SEMA6A: variants seen among roughly 807,000 people sequenced by gnomAD.
SEMA6A encodes semaphorin-6A.
A neutral mutation model predicts 96.8 loss-of-function variants in SEMA6A; 25 were observed. That is an observed-to-expected ratio of 0.26 (90% CI 0.19 to 0.36). SEMA6A has a LOEUF of 0.36. Among genes scored for constraint, SEMA6A ranks in the 10% least tolerant of loss-of-function variants. SEMA6A has a pLI of 1.00. For synonymous variants in SEMA6A, 612 were observed against 518.0 expected, an observed-to-expected ratio of 1.18 and a Z score of -2.46; for missense variants, 1,363 against 1,323.1, an observed-to-expected ratio of 1.03 and a Z score of -0.47.
Position 116,536,866 on chromosome 5 carries a change from TAAAAAAAAAAA to T in SEMA6A, c.-38-31895_-38-31885del, listed in dbSNP as rs72214884. Among the ~76,000 whole-genome samples the T allele has an allele frequency of 3.0e-3, 211 of 69,522 alleles. 1 individual carries two copies. Among genetic ancestry groups the T allele is most frequent in the African/African-American group, 8.8e-3 (185 of 21,024 alleles). 45.6% of individuals were successfully genotyped at this position (69,522 alleles called of 152,430 possible). A position where few individuals can be genotyped will look rare whatever the true frequency, so the allele number is the denominator to read the frequency against. On this transcript the variant is annotated intron_variant, in intron 1 of 18. Coordinates refer to ENST00000343348, the MANE Select transcript of SEMA6A (RefSeq NM_020796.5). ...TTTATTCAGTCCCCGTGTGATTTCT[TAAAAAAAAAAA>T]AAAAAAAAAAAAAAAAAGCAAAACT...
At chr5:116,479,860 C>T (rs531050657) in intron 12 of SEMA6A, among the ~76,000 whole-genome samples, 19 of 152,300 alleles carry the variant, frequency 1.2e-4, no homozygotes, top group African/African-American at 4.6e-4. Context: ...GATCAATGGG[C>T]TAATCCAGAA....
At chr5:116,474,871 CAGG>C (rs1296341239) in intron 16 of SEMA6A, among the ~76,000 whole-genome samples, 2 of 151,682 alleles carry the variant, frequency 1.3e-5, no homozygotes, top group Admixed American at 6.6e-5. Context: ...AAAGCATTTT[CAGG>C]AGAATATTGA....
intron 10 of SEMA6A, among the ~76,000 whole-genome samples, chr5:116,485,146 G>C (rs1044219092): frequency 2.4e-4 from 36 of 152,152 alleles, no homozygotes; most frequent in African/African-American, 7.5e-4. Flanking sequence ...TGATTTCTGA[G>C]ACTGCATAAT....
intron 1 of SEMA6A, among the ~76,000 whole-genome samples, chr5:116,555,231 A>G (rs1760563413): frequency 6.6e-6 from 1 of 151,974 alleles, no homozygotes; most frequent in African/African-American, 2.4e-5. Flanking sequence ...GCCAAAATTA[A>G]CTCTTGTTTG....
At chr5:116,529,169 A>G (rs527665288) in intron 1 of SEMA6A, among the ~76,000 whole-genome samples, 2,313 of 152,296 alleles carry the variant, frequency 0.015, 62 homozygotes, top group African/African-American at 0.048. Flanking sequence ...CAAATATTTT[A>G]TATTCCAACC....
chr5:116,564,635 C>A (rs1440353204), intron 1 of SEMA6A, among the ~76,000 whole-genome samples: 1 of 152,156 alleles, frequency 6.6e-6, no homozygotes, highest in African/African-American at 2.4e-5. Flanking sequence ...CTCCCCAAAT[C>A]CTTTCTTGAC....
chr5:116,508,781 C>G (rs573486659), intron 1 of SEMA6A, among the ~76,000 whole-genome samples: 1 of 152,172 alleles, frequency 6.6e-6, no homozygotes, highest in African/African-American at 2.4e-5. Context: ...TCTCTCCAGA[C>G]GGAAACATTC....
chr5:116,536,705 A>T (rs1424032813), intron 1 of SEMA6A, among the ~76,000 whole-genome samples: 1 of 152,148 alleles, frequency 6.6e-6, no homozygotes, highest in Non-Finnish European at 1.5e-5. Context: ...CACTGGCACC[A>T]GTCCCAGGTC....
chr5:116,571,465 A>T (rs1761208773), intron 1 of SEMA6A, among the ~76,000 whole-genome samples: 1 of 152,222 alleles, frequency 6.6e-6, no homozygotes, highest in Admixed American at 6.5e-5. Context: ...TCTTTACATC[A>T]AGTTGAAAAA....
In SEMA6A at chr5:116,488,871, TTTAA is replaced by T; in HGVS notation, c.655+13_655+16del. The T allele has an allele frequency of 6.4e-7, 1 of 1,550,890 alleles. No homozygotes were observed. ...TCCCCTCCCCTCCGACCCTCCTTCT[TTTAA>T]TTGTTTGTTCACCTTTCAACCATTT... On this transcript the variant is annotated intron_variant, in intron 8 of 18. Transcript: ENST00000343348.
chr5:116,519,137 A>G (rs1758808893), intron 1 of SEMA6A, among the ~76,000 whole-genome samples: 4 of 152,338 alleles, frequency 2.6e-5, no homozygotes, highest in South Asian at 4.1e-4. Flanking sequence ...CTCAATGAGA[A>G]GAGAGCAAAG....
chr5:116,569,675 T>C (rs572564687), intron 1 of SEMA6A, among the ~76,000 whole-genome samples: 2 of 152,252 alleles, frequency 1.3e-5, no homozygotes, highest in African/African-American at 4.8e-5. Context: ...AGCCTGCAGG[T>C]ATTCCAAAGG....
intron 3 of SEMA6A, 23 bp downstream of exon 3, chr5:116,502,187 G>C: frequency 1.3e-6 from 2 of 1,592,698 alleles, no homozygotes; most frequent in Non-Finnish European, 1.7e-6. Context: ...TCTCAAGGCA[G>C]ACATGGGGAA....
intron 1 of SEMA6A, among the ~76,000 whole-genome samples, chr5:116,526,949 G>A (rs1759255845): frequency 6.6e-6 from 1 of 152,048 alleles, no homozygotes; most frequent in Admixed American, 6.6e-5. Flanking sequence ...TGCATATAAT[G>A]CCCAGCATGA....
At chr5:116,565,488 C>T (rs1282174986) in intron 1 of SEMA6A, among the ~76,000 whole-genome samples, 1 of 152,214 alleles carries the variant, frequency 6.6e-6, no homozygotes, top group Non-Finnish European at 1.5e-5. Flanking sequence ...AGAATTAGCA[C>T]AGAATCCGTC....
intron 1 of SEMA6A, among the ~76,000 whole-genome samples, chr5:116,549,951 T>C (rs528475674): frequency 6.3e-4 from 96 of 152,282 alleles, no homozygotes; most frequent in African/African-American, 2.2e-3. Flanking sequence ...GCCAGTTACA[T>C]TGCTCTTGGG....
chr5:116,504,635 T>G (rs1758054445), intron 2 of SEMA6A, among the ~76,000 whole-genome samples: 1 of 152,218 alleles, frequency 6.6e-6, no homozygotes, highest in African/African-American at 2.4e-5. Context: ...GCGTTTCAAA[T>G]CCTCACACGT....
chr5:116,524,604 T>TAAAA (rs557950296), intron 1 of SEMA6A, among the ~76,000 whole-genome samples: 6 of 146,720 alleles, frequency 4.1e-5, no homozygotes, highest in African/African-American at 7.4e-5. Flanking sequence ...GTCAGACCTT[T>TAAAA]AAAAAAAAAA....
intron 16 of SEMA6A, among the ~76,000 whole-genome samples, chr5:116,474,258 T>A (rs1407228812): frequency 6.8e-6 from 1 of 147,944 alleles, no homozygotes; most frequent in Admixed American, 6.8e-5. Context: ...AACTAAGCTG[T>A]TAATAAAGCG....
Sources: allele counts gnomAD v4.1 joint callset (sites outside exome capture counted in the v4.1 genomes callset), GRCh38; gene constraint gnomAD v4.1.1; transcripts MANE v1.5; gene names NCBI Gene and HGNC (gene_info 2026-07-23, HGNC 2026-07-21).